Variants in CFAP299 observed in about 807,000 individuals in gnomAD.
CFAP299 encodes the protein cilia- and flagella-associated protein 299.
In CFAP299, 21 loss-of-function variants were observed where a neutral mutation model predicts 27.0. The ratio of observed to expected loss-of-function variants is 0.78; its 90% CI spans 0.55 to 1.12. The LOEUF (loss-of-function observed/expected upper bound fraction) is 1.12. CFAP299 is among the 50% of genes most tolerant of loss of function. CFAP299 has a pLI of 0.00. For synonymous variants in CFAP299, 104 were observed against 98.1 expected (o/e 1.06, Z -0.36); for missense variants, 310 against 276.6 (o/e 1.12, Z -0.86).
At chr4:80,413,750 C>CTTTTTTTTTTTTTTTTT (rs66780627) in intron 2 of CFAP299, among the ~76,000 whole-genome samples, 4 of 108,306 alleles carry the variant, frequency 3.7e-5, no homozygotes, top group Admixed American at 1.1e-4. Flanking sequence ...TTGTGTCATT[C>CTTTTTTTTTTTTTTTTT]TTTTTTTTTT....
At chr4:80,898,837 T>C (rs4515152) in intron 4 of CFAP299, among the ~76,000 whole-genome samples, 17,570 of 151,914 alleles carry the variant, frequency 0.12, 2,222 homozygotes, top group African/African-American at 0.31. Flanking sequence ...TTCCAGGAAA[T>C]AAAAGGAAGC....
At chr4:80,723,620 C>T (rs1004547419) in intron 3 of CFAP299, among the ~76,000 whole-genome samples, 3 of 151,956 alleles carry the variant, frequency 2.0e-5, no homozygotes, top group African/African-American at 7.3e-5. Context: ...GAAATGGGAA[C>T]AAGATAACTC....
In CFAP299 at chr4:80,709,188, C is replaced by T. The variant is rs11947893; in HGVS notation, c.333+126005C>T. On this transcript the variant is annotated intron_variant, in intron 3 of 5. Coordinates refer to ENST00000358105, the MANE Select transcript of CFAP299 (RefSeq NM_152770.3). ...TCAGTAACTAGAGAAACTCATTTTTCTTTTCAGAGTTTAGCTTTTTTATTC... is the reference window on the plus strand; with the variant it reads ...TCAGTAACTAGAGAAACTCATTTTTTTTTTCAGAGTTTAGCTTTTTTATTC... Among the ~76,000 whole-genome samples, 454 of 152,146 alleles carry T rather than the reference C, an allele frequency of 3.0e-3. 1 individual carries two copies. Among genetic ancestry groups the T allele is most frequent in the African/African-American group, 0.01 (435 of 41,532 alleles).
rs547621411 is a variant in CFAP299, at chr4:80,940,409, C to T, written c.477-4401C>T. Among the ~76,000 whole-genome samples the T allele has an allele frequency of 2.9e-4, 44 of 152,264 alleles. No individual in the cohort carries two copies. In the East Asian group the frequency reaches 7.0e-3, roughly 24 times the overall value. ...CCCTATGGGAGAAATCATGGGCCTGCGGGATCTCCCTTGGCCCTAGGCTAT... is the reference window on the plus strand; with the variant it reads ...CCCTATGGGAGAAATCATGGGCCTGTGGGATCTCCCTTGGCCCTAGGCTAT... On this transcript the variant is annotated intron_variant, in intron 4 of 5. Coordinates refer to ENST00000358105, the MANE Select transcript of CFAP299 (RefSeq NM_152770.3).
At chr4:80,810,681 A>T (rs1232936098) in intron 3 of CFAP299, among the ~76,000 whole-genome samples, 1 of 152,128 alleles carries the variant, frequency 6.6e-6, no homozygotes, top group Non-Finnish European at 1.5e-5. Context: ...GGAACCAATC[A>T]TGCCCACATA....
intron 1 of CFAP299, among the ~76,000 whole-genome samples, chr4:80,347,407 T>A (rs1722787215): frequency 6.6e-6 from 1 of 151,918 alleles, no homozygotes; most frequent in African/African-American, 2.4e-5. Flanking sequence ...CCACAGTTTC[T>A]TAAGCTGATA....
intron 3 of CFAP299, among the ~76,000 whole-genome samples, chr4:80,699,636 T>C (rs1721342637): frequency 6.6e-6 from 1 of 152,190 alleles, no homozygotes; most frequent in Non-Finnish European, 1.5e-5. Context: ...AAATAACTTC[T>C]CAGCTCCTAT....
intron 2 of CFAP299, among the ~76,000 whole-genome samples, chr4:80,464,317 T>A (rs1729605188): frequency 1.3e-5 from 2 of 152,362 alleles, no homozygotes; most frequent in South Asian, 4.1e-4. Context: ...AGATGCTATA[T>A]TTTCTATGGA....
At chr4:80,927,248 T>C (rs1050031334) in intron 4 of CFAP299, among the ~76,000 whole-genome samples, 2 of 152,132 alleles carry the variant, frequency 1.3e-5, no homozygotes, top group African/African-American at 4.8e-5. Flanking sequence ...TACATTATAA[T>C]TATAACTTAT....
chr4:80,852,986 A>G (rs1378201437), intron 3 of CFAP299, among the ~76,000 whole-genome samples: 2 of 152,130 alleles, frequency 1.3e-5, no homozygotes, highest in Non-Finnish European at 2.9e-5. Context: ...TGGCCCCTGC[A>G]AACTAAGGAG....
At chr4:80,393,885 C>T (rs1156462189) in intron 2 of CFAP299, among the ~76,000 whole-genome samples, 2 of 152,096 alleles carry the variant, frequency 1.3e-5, no homozygotes, top group African/African-American at 2.4e-5. Context: ...ATAATCCCCA[C>T]GTGTCAAGAG....
intron 3 of CFAP299, among the ~76,000 whole-genome samples, chr4:80,614,289 AAT>A (rs1403792375): frequency 2.0e-5 from 3 of 152,216 alleles, no homozygotes; most frequent in Non-Finnish European, 4.4e-5. Context: ...ACAAATAGAA[AAT>A]ATGTTCCTGA....
In CFAP299 at chr4:80,461,517, C is replaced by G. The variant is rs80204136; in HGVS notation, c.242+98633C>G. Among the ~76,000 whole-genome samples the G allele has an allele frequency of 2.7e-4, 41 of 152,150 alleles. No individual in the cohort carries two copies. In the East Asian group the frequency reaches 6.6e-3, roughly 24 times the overall value. The stretch of plus-strand genomic sequence containing the variant: ...TTACTGCTAAGGAGTGTTTGGTCAG[C>G]CTTAAGGTCTCTGTTTTAGTGTTAA... On this transcript the variant is annotated intron_variant, in intron 2 of 5. Coordinates refer to ENST00000358105, the MANE Select transcript of CFAP299 (RefSeq NM_152770.3).
rs557558081 is a variant in CFAP299, at chr4:80,581,624, CT to C, written c.243-1466del. ...ACCTAGTAGTAATTGCTCCTTAACTCTTTGCAAAAAGCAATCACTAGGTGTA... is the reference window on the plus strand; with the variant it reads ...ACCTAGTAGTAATTGCTCCTTAACTCTTGCAAAAAGCAATCACTAGGTGTA... On this transcript the variant is annotated intron_variant, in intron 2 of 5. Transcript: ENST00000358105. Among the ~76,000 whole-genome samples, 380 of 151,386 alleles carry C rather than the reference CT, an allele frequency of 2.5e-3. 1 individual carries two copies. Among genetic ancestry groups the C allele is most frequent in the Admixed American group, 5.6e-3 (85 of 15,182 alleles).
intron 4 of CFAP299, among the ~76,000 whole-genome samples, chr4:80,898,781 G>A (rs149991570): frequency 3.9e-5 from 6 of 152,246 alleles, no homozygotes; most frequent in African/African-American, 1.4e-4. Flanking sequence ...GGACTATGAT[G>A]ATAGTGATGA....
intron 3 of CFAP299, among the ~76,000 whole-genome samples, chr4:80,684,248 T>C (rs1720027641): frequency 6.8e-6 from 1 of 146,186 alleles, no homozygotes; most frequent in African/African-American, 2.5e-5. Context: ...ATTTCTGTTA[T>C]TAACTCTAAG....
intron 4 of CFAP299, among the ~76,000 whole-genome samples, chr4:80,906,565 G>T (rs1336441560): frequency 6.6e-6 from 1 of 152,152 alleles, no homozygotes; most frequent in Admixed American, 6.5e-5. Context: ...CTTCTGCCTG[G>T]ACATCCAGGT....
At position 80,420,447 on chromosome 4, in the gene CFAP299, A is replaced by G. The variant is rs1727239377; in HGVS notation, c.242+57563A>G. ...CATCACCAACACTTTTGTCTTTTTGATAACAGCCATTCTAACAAATGTGAA... is the reference window on the plus strand; with the variant it reads ...CATCACCAACACTTTTGTCTTTTTGGTAACAGCCATTCTAACAAATGTGAA... On this transcript the variant is annotated intron_variant, in intron 2 of 5. Transcript: ENST00000358105. The G allele has an allele frequency of 3.2e-5, 9 of 278,778 alleles. No homozygotes were observed. The South Asian group carries it at 3.2e-4, about 10-fold the overall frequency. The allele number at this position is 278,778 out of a possible 1,614,324, so 17.3% of individuals were successfully genotyped here. A position where few individuals can be genotyped will look rare whatever the true frequency, so the allele number is the denominator to read the frequency against.
At chr4:80,683,735 G>GT in intron 3 of CFAP299, among the ~76,000 whole-genome samples, 1 of 152,220 alleles carries the variant, frequency 6.6e-6, no homozygotes, top group South Asian at 2.1e-4. Flanking sequence ...ATGGTGTATG[G>GT]TTTTTGTGTT....
Sources: allele counts gnomAD v4.1 joint callset (sites outside exome capture counted in the v4.1 genomes callset), GRCh38; gene constraint gnomAD v4.1.1; transcripts MANE v1.5; gene names NCBI Gene and HGNC (gene_info 2026-07-23, HGNC 2026-07-21).